Variants in DOCK7 observed in about 807,000 individuals in gnomAD.
The protein encoded by DOCK7 is dedicator of cytokinesis 7.
Under a neutral mutation model 271.0 loss-of-function variants are expected in DOCK7, and 138 were observed. The observed-to-expected ratio is 0.51, with a 90% CI of 0.44 to 0.59. The LOEUF (loss-of-function observed/expected upper bound fraction) is 0.59, where lower values mean the gene tolerates loss of function less well. DOCK7 is among the 20% of genes least tolerant of loss of function. The pLI is 0.00. For missense variants in DOCK7, 2,066 were observed against 2,592.4 expected, an observed-to-expected ratio of 0.80 and a Z score of 4.41; for synonymous variants, 823 against 876.1, an observed-to-expected ratio of 0.94 and a Z score of 1.07.
At chr1:62,661,396 T>C (rs1027259134) in intron 2 of DOCK7, among the ~76,000 whole-genome samples, 1 of 152,090 alleles carries the variant, frequency 6.6e-6, no homozygotes, top group African/African-American at 2.4e-5. Context: ...TGCCAGTGAA[T>C]TGTATAAATA....
At chr1:62,660,730 C>T (rs1014540416) in intron 2 of DOCK7, among the ~76,000 whole-genome samples, 2 of 152,172 alleles carry the variant, frequency 1.3e-5, no homozygotes, top group Non-Finnish European at 2.9e-5. Flanking sequence ...AGTTTGCAAA[C>T]AACCCCAATG....
intron 43 of DOCK7, among the ~76,000 whole-genome samples, chr1:62,481,094 G>A (rs914310265): frequency 1.3e-5 from 2 of 151,632 alleles, no homozygotes; most frequent in Non-Finnish European, 2.9e-5. Flanking sequence ...GACTGAAGGA[G>A]ATGGAAGACT....
At chr1:62,676,521 A>C (rs1226801797) in intron 1 of DOCK7, among the ~76,000 whole-genome samples, 3 of 152,240 alleles carry the variant, frequency 2.0e-5, no homozygotes, top group African/African-American at 7.2e-5. Context: ...TTTATGATAC[A>C]TAAAGTATAC....
At chr1:62,477,963 A>ACCTTCATTTAAAATAT in intron 43 of DOCK7, 138 bp from the exon 44 acceptor site, 1 of 1,020,870 alleles carries the variant, frequency 9.8e-7, no homozygotes, top group Non-Finnish European at 1.3e-6. Flanking sequence ...AATATTTTAA[A>ACCTTCATTTAAAATAT]TGAAGGTTTA....
At chr1:62,492,654 ATAAT>A (rs1557620707) in intron 41 of DOCK7, 46 bp downstream of exon 41, 11 of 1,604,432 alleles carry the variant, frequency 6.9e-6, no homozygotes, top group Non-Finnish European at 9.4e-6. Flanking sequence ...CATGTCATTG[ATAAT>A]TAGAGGTATG....
chr1:62,611,399 C>T (rs917868892), intron 14 of DOCK7, among the ~76,000 whole-genome samples: 6 of 152,148 alleles, frequency 3.9e-5, no homozygotes, highest in Admixed American at 6.5e-5. Flanking sequence ...CACGGTTGAG[C>T]GACCTCAAAT....
At position 62,520,636 on chromosome 1, in the gene DOCK7, C is replaced by T. The variant is rs1454180700; in HGVS notation, c.3937-6738G>A. On this transcript the variant is annotated intron_variant, in intron 31 of 49. Transcript: ENST00000635253. The stretch of plus-strand genomic sequence containing the variant: ...TGGAAAGGATGTGGAGAAATAGGAA[C>T]GCTTTTACACTGTTGGTGGGAGTGT... Among the ~76,000 whole-genome samples the T allele has an allele frequency of 1.6e-4, 25 of 152,224 alleles. 1 individual carries two copies. Among genetic ancestry groups the T allele is most frequent in the South Asian group, 8.3e-4 (4 of 4,820 alleles).
chr1:62,655,470 G>A (rs1657905560), intron 2 of DOCK7, among the ~76,000 whole-genome samples: 1 of 149,944 alleles, frequency 6.7e-6, no homozygotes, highest in Admixed American at 6.7e-5. Flanking sequence ...TGTCATTCAG[G>A]CTAGAGTGCA....
In DOCK7 at chr1:62,688,319, C is replaced by T. The variant is rs1308889085; in HGVS notation, c.-55G>A. On this transcript the variant is annotated 5_prime_UTR_variant, in exon 1 of 50. Transcript: ENST00000635253. ...CGGCTGCGGCGGGCCGGGTGCGGAC[C>T]GGCGGGCGCGTGCCTCCTCGCTCGT... 3.2e-5 allele frequency: 37 copies of T among 1,140,820 alleles called. No homozygotes were observed. The highest frequency in any genetic ancestry group is 4.6e-5 in the Admixed American group (1 of 21,798). 70.7% of individuals were successfully genotyped at this position (1,140,820 alleles called of 1,614,324 possible).
intron 1 of DOCK7, among the ~76,000 whole-genome samples, chr1:62,666,351 TTTAA>T (rs1659317498): frequency 1.3e-5 from 2 of 152,196 alleles, no homozygotes; most frequent in Admixed American, 1.3e-4. Flanking sequence ...CAATCTTTTG[TTTAA>T]TAACAGACAT....
rs138783413 is a variant in DOCK7 at position 62,573,840 on chromosome 1, C to T, written c.2112+3422G>A. Among the ~76,000 whole-genome samples the T allele has an allele frequency of 3.4e-3, 519 of 152,124 alleles. 5 individuals are homozygous for T. The highest frequency in any genetic ancestry group is 6.8e-3 in the Middle Eastern group (2 of 294). Reference sequence around the variant, plus strand: ...TCACCCAGGCTGGAGTGCAGTGGTGCAATCAAGGTTCACTGTAAACTCGAA... The same window carrying T: ...TCACCCAGGCTGGAGTGCAGTGGTGTAATCAAGGTTCACTGTAAACTCGAA... On this transcript the variant is annotated intron_variant, in intron 18 of 49. Coordinates refer to ENST00000635253, the MANE Select transcript of DOCK7 (RefSeq NM_001367561.1).
At chr1:62,642,335 C>CT (rs551285246) in intron 7 of DOCK7, among the ~76,000 whole-genome samples, 2 of 152,074 alleles carry the variant, frequency 1.3e-5, no homozygotes, top group Non-Finnish European at 2.9e-5. Context: ...AACTCCTGAC[C>CT]TCAGGTGATC....
At chr1:62,565,409 C>T (rs1461247414) in intron 18 of DOCK7, among the ~76,000 whole-genome samples, 3 of 152,094 alleles carry the variant, frequency 2.0e-5, no homozygotes, top group Admixed American at 6.6e-5. Context: ...GTTCAACATA[C>T]GCAAATAAAT....
chr1:62,521,618 T>C (rs1690766), intron 31 of DOCK7, among the ~76,000 whole-genome samples: 88,181 of 152,138 alleles, frequency 0.58, 27,343 homozygotes, highest in East Asian at 0.76. Flanking sequence ...CAAGGTATTT[T>C]TGAATAACTT....
intron 22 of DOCK7, among the ~76,000 whole-genome samples, chr1:62,552,208 ATG>A (rs2149420651): frequency 7.0e-6 from 1 of 143,700 alleles, no homozygotes; most frequent in African/African-American, 2.5e-5. Context: ...ATGGAAATAA[ATG>A]TGTGTGGGGG....
intron 8 of DOCK7, 84 bp downstream of exon 8, chr1:62,636,452 CA>C (rs1422465294): frequency 3.4e-5 from 36 of 1,051,082 alleles, no homozygotes; most frequent in South Asian, 7.8e-5. Flanking sequence ...TAACAGTTCT[CA>C]AAAAAAATCA....
At chr1:62,586,803 C>T (rs1647602091) in intron 14 of DOCK7, among the ~76,000 whole-genome samples, 179 bp from the exon 15 acceptor site, 3 of 152,100 alleles carry the variant, frequency 2.0e-5, no homozygotes, top group Admixed American at 2.0e-4. Flanking sequence ...TTCAAATACA[C>T]AGCAATAAAA....
intron 1 of DOCK7, among the ~76,000 whole-genome samples, chr1:62,682,438 C>T (rs1173358371): frequency 1.3e-5 from 2 of 152,166 alleles, no homozygotes; most frequent in Non-Finnish European, 2.9e-5. Context: ...TCCATGGGAT[C>T]TGTGTGAAGC....
Position 62,610,118 on chromosome 1 carries a change from AGATTACAGGCGT to A in DOCK7, c.1682+8576_1682+8587del, listed in dbSNP as rs936041658. On this transcript the variant is annotated intron_variant, in intron 14 of 49. Transcript: ENST00000635253. ...CCTTCCTCGGCCTCCCAAAGTGCTA[AGATTACAGGCGT>A]GAGCCCCCGCGCCCAGCCGACTCAG... 4.6e-5 allele frequency among the ~76,000 whole-genome samples: 7 copies of A among 152,188 alleles called. No individual in the cohort carries two copies. The East Asian group carries it at 9.7e-4, about 21-fold the overall frequency.
Sources: gnomAD v4.1 joint callset for allele counts (sites outside exome capture counted in the v4.1 genomes callset) on GRCh38, gnomAD v4.1.1 for gene constraint, MANE v1.5 for transcripts, NCBI Gene and HGNC (gene_info 2026-07-23, HGNC 2026-07-21) for gene names.